The following LGR5 variants were observed in gnomAD, a reference collection of about 807,000 sequenced individuals.
LGR5 encodes the protein leucine-rich repeat-containing G protein-coupled receptor 5.
LGR5 carries 54 observed loss-of-function variants against 76.7 expected under a neutral mutation model. The ratio of observed to expected loss-of-function variants is 0.70; its 90% CI spans 0.57 to 0.88. LGR5 has a LOEUF of 0.88. Ranked by LOEUF, LGR5 falls within the 40% of genes least tolerant of loss-of-function variation. The pLI is 0.00. For synonymous variants in LGR5, 406 were observed against 421.9 expected, an observed-to-expected ratio of 0.96 and a Z score of 0.46; for missense variants, 1,078 against 1,073.3, an observed-to-expected ratio of 1.00 and a Z score of -0.06.
At chr12:71,469,742 C>G (rs1873016681) in intron 1 of LGR5, among the ~76,000 whole-genome samples, 1 of 152,222 alleles carries the variant, frequency 6.6e-6, no homozygotes. Context: ...CCCCACTTAA[C>G]TGCCTTGGTA....
intron 2 of LGR5, among the ~76,000 whole-genome samples, chr12:71,521,428 G>A (rs988853630): frequency 1.3e-5 from 2 of 152,128 alleles, no homozygotes; most frequent in African/African-American, 2.4e-5. Context: ...TGTTGTTCTT[G>A]TTTTGCCTTC....
At chr12:71,553,471 C>A (rs1430991561) in intron 5 of LGR5, among the ~76,000 whole-genome samples, 183 bp downstream of exon 5, 1 of 152,022 alleles carries the variant, frequency 6.6e-6, no homozygotes, top group Non-Finnish European at 1.5e-5. Context: ...CAATACTTAT[C>A]AATTACCTGC....
At chr12:71,567,136 C>A in intron 11 of LGR5, 1 of 525,812 alleles carries the variant, frequency 1.9e-6, no homozygotes, top group Non-Finnish European at 3.4e-6. Context: ...AACAAGCTCC[C>A]ACTAGACTTT....
chr12:71,535,075 A>G (rs747862620), intron 3 of LGR5, 40 bp from the exon 4 acceptor site: 5 of 1,449,278 alleles, frequency 3.4e-6, no homozygotes, highest in Non-Finnish European at 4.8e-6. Context: ...GTTATTGTTC[A>G]TTTTTTTTAA....
chr12:71,525,756 A>T (rs1001173170), intron 3 of LGR5, among the ~76,000 whole-genome samples: 2 of 151,674 alleles, frequency 1.3e-5, no homozygotes, highest in Admixed American at 1.3e-4. Flanking sequence ...TTATACTTTA[A>T]TTATAAATGA....
intron 1 of LGR5, among the ~76,000 whole-genome samples, chr12:71,474,120 T>C (rs954926951): frequency 1.4e-5 from 2 of 145,914 alleles, no homozygotes; most frequent in African/African-American, 2.6e-5. Flanking sequence ...GTTGAATATA[T>C]ATTTCAATTC....
At chr12:71,449,155 G>C (rs573521406) in intron 1 of LGR5, among the ~76,000 whole-genome samples, 4 of 152,300 alleles carry the variant, frequency 2.6e-5, no homozygotes, top group African/African-American at 9.6e-5. Context: ...AGAACTGAAA[G>C]GATGCCTTTT....
At chr12:71,578,649 C>G (rs17109905) in intron 14 of LGR5, among the ~76,000 whole-genome samples, 155 bp from the exon 15 acceptor site, 5,373 of 152,254 alleles carry the variant, frequency 0.035, 208 homozygotes, top group African/African-American at 0.1. Flanking sequence ...TTATCAAGAG[C>G]TAAACCAAAA....
chr12:71,571,807 C>T (rs1168995422), intron 12 of LGR5, among the ~76,000 whole-genome samples: 5 of 152,054 alleles, frequency 3.3e-5, no homozygotes, highest in Non-Finnish European at 2.9e-5. Flanking sequence ...ATTATATATC[C>T]GCTTTTTTCT....
chr12:71,479,100 T>G (rs574791537), intron 1 of LGR5, among the ~76,000 whole-genome samples: 1 of 152,334 alleles, frequency 6.6e-6, no homozygotes, highest in East Asian at 1.9e-4. Context: ...ATCTTTTACA[T>G]TCAACGGGAA....
intron 1 of LGR5, among the ~76,000 whole-genome samples, chr12:71,459,709 T>G (rs1239283847): frequency 6.6e-6 from 1 of 152,080 alleles, no homozygotes; most frequent in East Asian, 1.9e-4. Context: ...AGTGTAGTGG[T>G]TAAGAGCCTT....
intron 1 of LGR5, among the ~76,000 whole-genome samples, chr12:71,462,804 T>C (rs915212244): frequency 2.0e-5 from 3 of 152,170 alleles, no homozygotes; most frequent in African/African-American, 7.2e-5. Flanking sequence ...TGCAACATTG[T>C]CCAGTGCTTC....
At chr12:71,534,800 T>C (rs1292775930) in intron 3 of LGR5, among the ~76,000 whole-genome samples, 1 of 152,186 alleles carries the variant, frequency 6.6e-6, no homozygotes, top group Admixed American at 6.5e-5. Flanking sequence ...CCTTCTGGTC[T>C]CCAGTTAAAT....
At chr12:71,566,330 G>T in intron 8 of LGR5, 74 bp from the exon 9 acceptor site, 2 of 926,328 alleles carry the variant, frequency 2.2e-6, no homozygotes, top group Non-Finnish European at 3.5e-6. Flanking sequence ...TACTGTATTT[G>T]TTCAAATTTT....
chr12:71,532,161 T>G lies in LGR5; in HGVS notation c.357-2954T>G, dbSNP rs527855937. On this transcript the variant is annotated intron_variant, in intron 3 of 17. Transcript: ENST00000266674. ...CTATTATCTTTATCTTATTTAAATG[T>G]AACACAAAAGTAAAGAAATACTTAG... Among the ~76,000 whole-genome samples, 4 of 152,308 alleles carry G rather than the reference T, an allele frequency of 2.6e-5. No individual in the cohort carries two copies. In the South Asian group the frequency reaches 8.3e-4, roughly 32 times the overall value.
intron 1 of LGR5, among the ~76,000 whole-genome samples, chr12:71,472,033 G>A (rs1162347345): frequency 1.3e-5 from 2 of 152,080 alleles, no homozygotes; most frequent in Admixed American, 1.3e-4. Context: ...GATAAAAGAC[G>A]ACACATTGGG....
chr12:71,451,575 C>T (rs1482128439), intron 1 of LGR5, among the ~76,000 whole-genome samples: 3 of 152,062 alleles, frequency 2.0e-5, no homozygotes, highest in Admixed American at 6.6e-5. Flanking sequence ...TTTCTGTAAC[C>T]CCACATTTTA....
At chr12:71,488,466 G>T (rs988541048) in intron 1 of LGR5, among the ~76,000 whole-genome samples, 1 of 152,158 alleles carries the variant, frequency 6.6e-6, no homozygotes, top group Non-Finnish European at 1.5e-5. Flanking sequence ...AGGCTCAAGG[G>T]CAGTTTTTCT....
chr12:71,505,725 T>A (rs1874819515), intron 2 of LGR5, among the ~76,000 whole-genome samples: 1 of 152,196 alleles, frequency 6.6e-6, no homozygotes, highest in African/African-American at 2.4e-5. Context: ...CTATATTTAT[T>A]TTTGATGGCA....
Sources: gnomAD v4.1 joint callset for allele counts (sites outside exome capture counted in the v4.1 genomes callset) on GRCh38, gnomAD v4.1.1 for gene constraint, MANE v1.5 for transcripts, NCBI Gene and HGNC (gene_info 2026-07-23, HGNC 2026-07-21) for gene names.